The following N4BP2L2 variants were observed in gnomAD, a reference collection of about 807,000 sequenced individuals.
N4BP2L2 encodes the protein NEDD4-binding protein 2-like 2.
A neutral mutation model predicts 56.2 loss-of-function variants in N4BP2L2; 50 were observed. That is an observed-to-expected ratio of 0.89 (90% CI 0.71 to 1.13). N4BP2L2 has a LOEUF of 1.13. Among genes scored for constraint, N4BP2L2 ranks in the 50% most tolerant of loss-of-function variants. The pLI is 0.00. For missense variants in N4BP2L2, 689 were observed against 693.8 expected (o/e 0.99, Z 0.08); for synonymous variants, 203 against 223.6 (o/e 0.91, Z 0.82).
chr13:32,496,443 G>C (rs1247243781), intron 6 of N4BP2L2, among the ~76,000 whole-genome samples: 1 of 152,196 alleles, frequency 6.6e-6, no homozygotes, highest in African/African-American at 2.4e-5. Flanking sequence ...GTGTGCTGGA[G>C]TTTAAAGCAT....
At chr13:32,499,008 A>G (rs1054627232) in intron 6 of N4BP2L2, among the ~76,000 whole-genome samples, 1 of 151,890 alleles carries the variant, frequency 6.6e-6, no homozygotes, top group South Asian at 2.1e-4. Flanking sequence ...AAAAAAAAAA[A>G]AAATTAAAAT....
chr13:32,523,117 G>A, intron 3 of N4BP2L2: 1 of 152,164 alleles, frequency 6.6e-6, no homozygotes. Context: ...AAGGCTGGGT[G>A]TGGTAGCTCA....
chr13:32,513,580 T>A (rs1429739741), exon 6 of N4BP2L2: 3 of 152,186 alleles, frequency 2.0e-5, no homozygotes, highest in African/African-American at 7.2e-5. Flanking sequence ...GTAACTTTAA[T>A]AGGAAAATTT....
intron 1 of N4BP2L2, among the ~76,000 whole-genome samples, chr13:32,537,431 C>A (rs567365773): frequency 2.0e-5 from 3 of 152,206 alleles, no homozygotes; most frequent in African/African-American, 7.2e-5. Context: ...ACCAAATTAA[C>A]ACATACTCAA....
At chr13:32,436,381 T>C in exon 9 of N4BP2L2, 1 of 1,233,966 alleles carries the variant, frequency 8.1e-7, no homozygotes, top group Non-Finnish European at 1.1e-6. Flanking sequence ...ATTTTCATTT[T>C]TCAACCAATC....
At chr13:32,447,380 C>T (rs1685047428) in intron 6 of N4BP2L2, among the ~76,000 whole-genome samples, 1 of 151,498 alleles carries the variant, frequency 6.6e-6, no homozygotes, top group South Asian at 2.1e-4. Flanking sequence ...AACAGATGGG[C>T]ACAAGTGACT....
In N4BP2L2 at chr13:32,451,965, A is replaced by G. The variant is rs143323222; in HGVS notation, c.366-7839T>C. Among the ~76,000 whole-genome samples the G allele has an allele frequency of 9.2e-3, 1,394 of 152,276 alleles. 15 individuals are homozygous for G. Among genetic ancestry groups the G allele is most frequent in the South Asian group, 0.019 (94 of 4,826 alleles). On this transcript the variant is annotated intron_variant, in intron 6 of 9. Transcript: ENST00000357505. Reference sequence around the variant, plus strand: ...TCAGGTGACTTTTCAGAAAAGTTCTACCGAATATTCAAGGAATTGTTCACT... The same window carrying G: ...TCAGGTGACTTTTCAGAAAAGTTCTGCCGAATATTCAAGGAATTGTTCACT...
chr13:32,529,736 T>C lies in N4BP2L2; in HGVS notation c.1260-2204A>G, dbSNP rs948691592. Among the ~76,000 whole-genome samples the C allele has an allele frequency of 5.3e-5, 8 of 151,944 alleles. 1 individual carries two copies. The highest frequency in any genetic ancestry group is 2.1e-4 in the South Asian group (1 of 4,816). ...CAGGTCATTTCTTTTCTTTTCTTTT[T>C]TTTTTTTAGACAAGAGTCCGACTCT... On this transcript the variant is annotated intron_variant, in intron 2 of 5. Coordinates refer to ENST00000267068, the Ensembl canonical transcript of N4BP2L2.
At chr13:32,455,262 C>T (rs1044180782) in intron 6 of N4BP2L2, among the ~76,000 whole-genome samples, 4 of 152,172 alleles carry the variant, frequency 2.6e-5, no homozygotes, top group African/African-American at 4.8e-5. Flanking sequence ...ATATAGTGTG[C>T]GGCACCCTGG....
At chr13:32,452,728 C>T (rs989858298) in intron 6 of N4BP2L2, among the ~76,000 whole-genome samples, 4 of 152,054 alleles carry the variant, frequency 2.6e-5, no homozygotes, top group African/African-American at 9.7e-5. Flanking sequence ...CTTAGTAAAC[C>T]AGGAATAGAT....
intron 2 of N4BP2L2, among the ~76,000 whole-genome samples, chr13:32,529,216 CAAAAG>C (rs975282315): frequency 1.7e-4 from 26 of 152,242 alleles, no homozygotes; most frequent in African/African-American, 6.3e-4. Flanking sequence ...TCACTTGTAT[CAAAAG>C]AAAACAATTT....
chr13:32,475,247 G>A (rs576752917), intron 6 of N4BP2L2, among the ~76,000 whole-genome samples: 6 of 152,310 alleles, frequency 3.9e-5, no homozygotes, highest in South Asian at 4.1e-4. Context: ...AAACAGCTCC[G>A]TTGTCTGGGC....
intron 6 of N4BP2L2, among the ~76,000 whole-genome samples, chr13:32,468,468 A>G (rs2081646735): frequency 6.6e-6 from 1 of 152,210 alleles, no homozygotes; most frequent in African/African-American, 2.4e-5. Context: ...CAATATTTTC[A>G]TTGGTAAAGC....
intron 6 of N4BP2L2, among the ~76,000 whole-genome samples, chr13:32,482,522 T>C (rs544437277): frequency 7.2e-5 from 11 of 152,110 alleles, no homozygotes; most frequent in African/African-American, 2.4e-4. Context: ...TAATTTTTTT[T>C]TTTTTTTGTA....
At chr13:32,486,796 G>A (rs1285448703) in intron 6 of N4BP2L2, among the ~76,000 whole-genome samples, 2 of 152,010 alleles carry the variant, frequency 1.3e-5, no homozygotes, top group African/African-American at 2.4e-5. Flanking sequence ...TCAGCAGATC[G>A]AGACCATCCT....
intron 6 of N4BP2L2, among the ~76,000 whole-genome samples, chr13:32,471,669 T>G (rs893170358): frequency 6.6e-6 from 1 of 151,964 alleles, no homozygotes; most frequent in Non-Finnish European, 1.5e-5. Flanking sequence ...TGTGTGGGAG[T>G]GGCAGGAGCT....
At chr13:32,536,472 T>C in exon 2 of N4BP2L2, 1 of 1,612,744 alleles carries the variant, frequency 6.2e-7, no homozygotes, top group South Asian at 1.1e-5. Context: ...AAACCATCTT[T>C]TTCCTTTTCA....
chr13:32,520,857 C>T (rs537477149), intron 5 of N4BP2L2, among the ~76,000 whole-genome samples: 6 of 152,198 alleles, frequency 3.9e-5, no homozygotes, highest in African/African-American at 1.4e-4. Flanking sequence ...CAAACTCTAC[C>T]CATATCTGTA....
chr13:32,466,248 TA>T (rs1468146391), intron 6 of N4BP2L2, among the ~76,000 whole-genome samples: 1 of 151,988 alleles, frequency 6.6e-6, no homozygotes, highest in Non-Finnish European at 1.5e-5. Flanking sequence ...TTAATATGGC[TA>T]AAAAACAATA....
Sources: gnomAD v4.1 joint callset for allele counts (sites outside exome capture counted in the v4.1 genomes callset) on GRCh38, gnomAD v4.1.1 for gene constraint, MANE v1.5 for transcripts, NCBI Gene and HGNC (gene_info 2026-07-23, HGNC 2026-07-21) for gene names.